Variants in PHF24 observed in about 807,000 individuals in gnomAD.
The protein encoded by PHF24 is Galpha inhibitory interacting protein.
A neutral mutation model predicts 42.6 loss-of-function variants in PHF24; 25 were observed. That is an observed-to-expected ratio of 0.59 (90% CI 0.43 to 0.82). The LOEUF is 0.82. PHF24 is among the 40% of genes least tolerant of loss of function. The pLI is 0.00. For synonymous variants in PHF24, 185 were observed against 204.8 expected, an observed-to-expected ratio of 0.90 and a Z score of 0.83; for missense variants, 470 against 538.1, an observed-to-expected ratio of 0.87 and a Z score of 1.25.
chr9:34,729,404 C>A, the PHF24 span: 1 of 1,550,792 alleles, frequency 6.4e-7, no homozygotes, highest in East Asian at 2.4e-5. Context: ...CAACTTCCCA[C>A]AGAACAAAAG....
chr9:34,705,488 G>A, the PHF24 span, among the ~76,000 whole-genome samples: 2 of 152,092 alleles, frequency 1.3e-5, no homozygotes, highest in African/African-American at 4.8e-5. Context: ...GTCTCATTGT[G>A]TTGCCCAGGT....
At chr9:34,923,439 G>A in the PHF24 span, among the ~76,000 whole-genome samples, 1 of 152,188 alleles carries the variant, frequency 6.6e-6, no homozygotes, top group African/African-American at 2.4e-5. Flanking sequence ...AAATTCAGCA[G>A]TGAAGCCATT....
At chr9:34,763,842 A>G in the PHF24 span, among the ~76,000 whole-genome samples, 18 of 152,138 alleles carry the variant, frequency 1.2e-4, no homozygotes, top group Non-Finnish European at 2.2e-4. Context: ...GTTTGTCATA[A>G]ATAGCTCTTA....
At chr9:34,673,916 T>C in the PHF24 span, among the ~76,000 whole-genome samples, 91,655 of 151,904 alleles carry the variant, frequency 0.6, 27,903 homozygotes, top group East Asian at 0.81. Flanking sequence ...CCACCGCACC[T>C]GGCCAGCCTG....
At chr9:34,909,662 C>T in the PHF24 span, among the ~76,000 whole-genome samples, 1 of 151,366 alleles carries the variant, frequency 6.6e-6, no homozygotes, top group African/African-American at 2.4e-5. Context: ...CGCTCTGTCG[C>T]CCAGGCTGGA....
intron 1 of PHF24, among the ~76,000 whole-genome samples, chr9:34,967,255 C>T (rs1479488748): frequency 6.6e-6 from 1 of 152,130 alleles, no homozygotes; most frequent in Non-Finnish European, 1.5e-5. Context: ...TTTAGAGGTG[C>T]GTTCTTCAAA....
chr9:34,808,784 C>A, the PHF24 span, among the ~76,000 whole-genome samples: 1 of 150,610 alleles, frequency 6.6e-6, no homozygotes, highest in African/African-American at 2.4e-5. Flanking sequence ...GGGCAGAGTC[C>A]TCATGGGCAA....
chr9:34,814,591 C>CA, the PHF24 span, among the ~76,000 whole-genome samples: 36 of 149,264 alleles, frequency 2.4e-4, no homozygotes, highest in Middle Eastern at 3.4e-3. Flanking sequence ...GGAACTGATG[C>CA]AAAAAAAAAC....
the PHF24 span, among the ~76,000 whole-genome samples, chr9:34,845,731 T>G: frequency 6.8e-6 from 1 of 147,398 alleles, no homozygotes; most frequent in Non-Finnish European, 1.5e-5. Flanking sequence ...GTATATCTCC[T>G]AAAGCGATCC....
the PHF24 span, among the ~76,000 whole-genome samples, chr9:34,900,299 A>ACAAT: frequency 1.1e-4 from 17 of 152,302 alleles, no homozygotes; most frequent in South Asian, 3.5e-3. Flanking sequence ...CATTTAAAGG[A>ACAAT]CAATCAATTA....
At chr9:34,836,277 A>G in the PHF24 span, among the ~76,000 whole-genome samples, 1 of 152,188 alleles carries the variant, frequency 6.6e-6, no homozygotes, top group African/African-American at 2.4e-5. Flanking sequence ...AACCCACAGA[A>G]GGGCATGGCC....
the PHF24 span, chr9:34,709,246 G>T: frequency 2.0e-6 from 2 of 986,712 alleles, no homozygotes; most frequent in Non-Finnish European, 3.1e-6. Flanking sequence ...AGATGGGGTG[G>T]TTAAAGCAGG....
chr9:34,783,652 T>A, the PHF24 span, among the ~76,000 whole-genome samples: 1 of 152,222 alleles, frequency 6.6e-6, no homozygotes, highest in Non-Finnish European at 1.5e-5. Context: ...TAAAATAATC[T>A]TTTTCTTATC....
the PHF24 span, among the ~76,000 whole-genome samples, chr9:34,705,681 C>T: frequency 1.3e-5 from 2 of 152,354 alleles, no homozygotes; most frequent in South Asian, 4.1e-4. Flanking sequence ...AATTAATTTT[C>T]CATCCCTACC....
chr9:34,704,133 T>A, the PHF24 span, among the ~76,000 whole-genome samples: 1 of 151,950 alleles, frequency 6.6e-6, no homozygotes, highest in Non-Finnish European at 1.5e-5. Flanking sequence ...AATCAAGTGA[T>A]CCTCCCACCT....
At chr9:34,963,264 T>G (rs1347137277) in intron 1 of PHF24, among the ~76,000 whole-genome samples, 1 of 151,602 alleles carries the variant, frequency 6.6e-6, no homozygotes, top group African/African-American at 2.4e-5. Flanking sequence ...GATGGTTTTT[T>G]TTTTTTTTTT....
At chr9:34,797,728 G>T in the PHF24 span, among the ~76,000 whole-genome samples, 1 of 151,710 alleles carries the variant, frequency 6.6e-6, no homozygotes, top group Non-Finnish European at 1.5e-5. Context: ...GTCTCGGGGG[G>T]GTTTTATAGG....
At chr9:34,825,986 A>G in the PHF24 span, among the ~76,000 whole-genome samples, 1 of 152,154 alleles carries the variant, frequency 6.6e-6, no homozygotes, top group South Asian at 2.1e-4. Flanking sequence ...CACTCTGGAA[A>G]TCCCCTAGTA....
the PHF24 span, among the ~76,000 whole-genome samples, chr9:34,721,077 C>T: frequency 6.6e-6 from 1 of 152,150 alleles, no homozygotes; most frequent in Non-Finnish European, 1.5e-5. Flanking sequence ...ATGAAGTCCT[C>T]CCTCATTAAC....
Sources: allele counts gnomAD v4.1 joint callset (sites outside exome capture counted in the v4.1 genomes callset), GRCh38; gene constraint gnomAD v4.1.1; transcripts MANE v1.5; gene names NCBI Gene and HGNC (gene_info 2026-07-23, HGNC 2026-07-21).